Variants in PHF14 observed in about 807,000 individuals in gnomAD.
PHF14 encodes the protein PHD finger protein 14.
In PHF14, 55 loss-of-function variants were observed where a neutral mutation model predicts 117.9. The observed-to-expected ratio is 0.47, with a 90% CI of 0.38 to 0.58. The LOEUF (loss-of-function observed/expected upper bound fraction) is 0.58. Among genes scored for constraint, PHF14 ranks in the 20% least tolerant of loss-of-function variants. The pLI is 0.00. For synonymous variants in PHF14, 409 were observed against 368.6 expected (o/e 1.11, Z -1.26); for missense variants, 978 against 1,122.2 (o/e 0.87, Z 1.84).
At chr7:11,153,525 TGA>T (rs2128354680) in intron 17 of PHF14, among the ~76,000 whole-genome samples, 1 of 152,118 alleles carries the variant, frequency 6.6e-6, no homozygotes, top group Non-Finnish European at 1.5e-5. Flanking sequence ...GGTATAGATG[TGA>T]GGGCTGAAGA....
rs758626017 is a variant in PHF14 at position 11,061,818 on chromosome 7, G to A, written c.2509G>A (p.Val837Ile). 14 of 1,517,372 alleles carry A rather than the reference G, an allele frequency of 9.2e-6. No individual in the cohort carries two copies. Among genetic ancestry groups the A allele is most frequent in the Admixed American group, 4.4e-5 (2 of 45,490 alleles). The allele number at this position is 1,517,372 out of a possible 1,614,324, so 94.0% of individuals were successfully genotyped here. A position where few individuals can be genotyped will look rare whatever the true frequency, so the allele number is the denominator to read the frequency against. ...AACCAGAGGACGAAAACGAAGCTTCGTTCCTGAGGAAGAAAAACATGAGGT... is the reference window on the plus strand; with the variant it reads ...AACCAGAGGACGAAAACGAAGCTTCATTCCTGAGGAAGAAAAACATGAGGT... ...TRTRGRKRSF[V>I]PEEEKHEERV... is the part of the protein sequence containing the mutation. Residue 837 changes from valine (V) to isoleucine (I), a missense_variant, in exon 15 of 18, where the codon GTT (valine) becomes ATT (isoleucine). Physicochemically the swap from Val to Ile is conservative, Grantham distance 29. This residue lies in a region of PHF14 where 180 missense variants were observed against 195.4 expected (regional missense o/e 0.92). Transcript: ENST00000634607.
At chr7:11,015,374 C>T (rs932424190) in intron 5 of PHF14, among the ~76,000 whole-genome samples, 1 of 152,056 alleles carries the variant, frequency 6.6e-6, no homozygotes, top group East Asian at 1.9e-4. Context: ...ACTAAAGAAT[C>T]TTACCTCTTC....
rs1211035727 is a variant in PHF14, at chr7:11,000,372, C to T, written c.1045+9525C>T. 3.7e-5 allele frequency among the ~76,000 whole-genome samples: 4 copies of T among 107,610 alleles called. No individual in the cohort carries two copies. The Admixed American group carries it at 5.7e-4, about 15-fold the overall frequency. The allele number at this position is 107,610 out of a possible 152,430, so 70.6% of individuals were successfully genotyped here. A position where few individuals can be genotyped will look rare whatever the true frequency, so the allele number is the denominator to read the frequency against. On this transcript the variant is annotated intron_variant, in intron 4 of 17. Coordinates refer to ENST00000634607, the MANE Select transcript of PHF14 (RefSeq NM_001007157.2). ...TTTTTTTTTTTGAGATGGAGTCTTG[C>T]TCTGTTGTTCTGGCTGGAGTGCAGT...
chr7:10,997,001 A>G (rs1000898348), intron 4 of PHF14, among the ~76,000 whole-genome samples: 35 of 152,314 alleles, frequency 2.3e-4, no homozygotes, highest in African/African-American at 8.2e-4. Flanking sequence ...CCTCAGGAAT[A>G]TTGAGTTCTA....
At chr7:11,001,420 T>A (rs907888458) in intron 4 of PHF14, among the ~76,000 whole-genome samples, 2 of 152,216 alleles carry the variant, frequency 1.3e-5, no homozygotes, top group Non-Finnish European at 2.9e-5. Flanking sequence ...CAGTTTGCAG[T>A]ATCTACAAAA....
At chr7:11,169,385 A>AT (rs1261168539) in intron 17 of PHF14, 31 bp from the exon 18 acceptor site, 1 of 1,054,414 alleles carries the variant, frequency 9.5e-7, no homozygotes, top group South Asian at 1.6e-5. Context: ...TAAAGTTTAT[A>AT]TTTTAATGTT....
At chr7:11,090,079 C>T (rs900459047) in intron 16 of PHF14, among the ~76,000 whole-genome samples, 1 of 152,118 alleles carries the variant, frequency 6.6e-6, no homozygotes, top group Non-Finnish European at 1.5e-5. Context: ...CCTGTTCATG[C>T]CTTCTTTATG....
chr7:10,994,258 T>C (rs1000097077), intron 4 of PHF14, among the ~76,000 whole-genome samples: 3 of 151,864 alleles, frequency 2.0e-5, no homozygotes, highest in African/African-American at 4.8e-5. Flanking sequence ...TCCAACATGG[T>C]GAAACCCCAT....
intron 5 of PHF14, among the ~76,000 whole-genome samples, chr7:11,015,986 G>T (rs1181989758): frequency 6.6e-6 from 1 of 152,036 alleles, no homozygotes; most frequent in African/African-American, 2.4e-5. Flanking sequence ...GTTCTGTTAG[G>T]ACACTGTCAA....
intron 10 of PHF14, among the ~76,000 whole-genome samples, chr7:11,037,917 A>C (rs974927157): frequency 6.6e-6 from 1 of 152,146 alleles, no homozygotes. Flanking sequence ...TTCATTGGGA[A>C]AATAGTGGAA....
intron 4 of PHF14, among the ~76,000 whole-genome samples, chr7:11,000,334 C>CTTTTTT (rs71023882): frequency 3.6e-4 from 22 of 60,366 alleles, no homozygotes; most frequent in Admixed American, 1.1e-3. Context: ...GCTTATTTGC[C>CTTTTTT]TTTTTTTTTT....
intron 16 of PHF14, among the ~76,000 whole-genome samples, chr7:11,100,094 A>T (rs1005538645): frequency 1.3e-5 from 2 of 152,034 alleles, no homozygotes; most frequent in African/African-American, 4.8e-5. Context: ...TTTTTCTTTC[A>T]TTTTTAAATT....
At chr7:11,122,285 T>C (rs1488037248) in intron 17 of PHF14, among the ~76,000 whole-genome samples, 1 of 144,650 alleles carries the variant, frequency 6.9e-6, no homozygotes, top group East Asian at 2.1e-4. Context: ...AACTGAAACC[T>C]GGGAAAGCAA....
At chr7:11,139,639 C>T (rs1788343818) in intron 17 of PHF14, among the ~76,000 whole-genome samples, 1 of 152,022 alleles carries the variant, frequency 6.6e-6, no homozygotes, top group African/African-American at 2.4e-5. Flanking sequence ...TCACACTAAC[C>T]CTAAAGTACT....
chr7:11,030,910 A>T (rs1160279824), intron 7 of PHF14, among the ~76,000 whole-genome samples: 2 of 152,148 alleles, frequency 1.3e-5, no homozygotes. Flanking sequence ...ATATTTCAAA[A>T]CCCAGAATAT....
At chr7:11,152,439 C>A (rs567819357) in intron 17 of PHF14, among the ~76,000 whole-genome samples, 28 of 151,912 alleles carry the variant, frequency 1.8e-4, no homozygotes, top group Non-Finnish European at 3.7e-4. Context: ...AAATAACGAA[C>A]GTAAATACAA....
chr7:11,002,333 A>G (rs116458170), intron 4 of PHF14, among the ~76,000 whole-genome samples: 4,804 of 152,186 alleles, frequency 0.032, 256 homozygotes, highest in African/African-American at 0.11. Context: ...CCACAGGTGT[A>G]GGTCAAGGGG....
chr7:11,117,395 A>T (rs1034401921), intron 17 of PHF14, among the ~76,000 whole-genome samples: 6 of 151,766 alleles, frequency 4.0e-5, no homozygotes, highest in Admixed American at 2.0e-4. Context: ...ATTTCATCCA[A>T]GTCCTTATAG....
chr7:11,153,748 T>A (rs978974588), intron 17 of PHF14, among the ~76,000 whole-genome samples: 1 of 152,156 alleles, frequency 6.6e-6, no homozygotes, highest in Non-Finnish European at 1.5e-5. Context: ...TTTCATACCC[T>A]GTATATTCAA....
Sources: gnomAD v4.1 joint callset for allele counts (sites outside exome capture counted in the v4.1 genomes callset) on GRCh38, gnomAD v4.1.1 for gene constraint, gnomAD v4.1.1 regional missense constraint, MANE v1.5 for transcripts, NCBI Gene and HGNC (gene_info 2026-07-23, HGNC 2026-07-21) for gene names.